The following KCNIP4 variants were observed in gnomAD, a reference collection of about 807,000 sequenced individuals.
KCNIP4 encodes Kv channel-interacting protein 4.
KCNIP4 carries 12 observed loss-of-function variants against 34.0 expected under a neutral mutation model. That is an observed-to-expected ratio of 0.35 (90% CI 0.23 to 0.57). The LOEUF (loss-of-function observed/expected upper bound fraction) is 0.57. KCNIP4 is among the 20% of genes least tolerant of loss of function. KCNIP4 has a pLI of 0.83. For synonymous variants in KCNIP4, 124 were observed against 102.2 expected (o/e 1.21, Z -1.29); for missense variants, 238 against 311.7 (o/e 0.76, Z 1.78).
chr4:20,971,949 A>G (rs1281303986), intron 1 of KCNIP4, among the ~76,000 whole-genome samples: 1 of 152,222 alleles, frequency 6.6e-6, no homozygotes, highest in African/African-American at 2.4e-5. Flanking sequence ...CAATTGAATG[A>G]TGTTCATAGC....
intron 1 of KCNIP4, among the ~76,000 whole-genome samples, chr4:21,931,849 G>A (rs1330499764): frequency 6.6e-6 from 1 of 152,048 alleles, no homozygotes; most frequent in African/African-American, 2.4e-5. Flanking sequence ...CTGAGGAATC[G>A]CCACACTGAC....
intron 1 of KCNIP4, among the ~76,000 whole-genome samples, chr4:21,183,333 A>AT (rs906529524): frequency 3.3e-5 from 5 of 151,540 alleles, no homozygotes; most frequent in South Asian, 4.2e-4. Flanking sequence ...TCTTCAATTT[A>AT]TTTTTTTTCC....
chr4:21,242,303 C>T (rs969475297), intron 1 of KCNIP4, among the ~76,000 whole-genome samples: 2 of 151,814 alleles, frequency 1.3e-5, no homozygotes, highest in Non-Finnish European at 2.9e-5. Flanking sequence ...CCAAACAAGC[C>T]TACATTAAAA....
At chr4:21,327,607 G>T (rs1715216655) in intron 1 of KCNIP4, among the ~76,000 whole-genome samples, 1 of 152,048 alleles carries the variant, frequency 6.6e-6, no homozygotes, top group African/African-American at 2.4e-5. Flanking sequence ...GAAGTTCTCT[G>T]TTATTATCCA....
intron 1 of KCNIP4, among the ~76,000 whole-genome samples, chr4:20,921,277 G>C (rs373744676): frequency 1.3e-5 from 2 of 152,182 alleles, no homozygotes; most frequent in African/African-American, 4.8e-5. Flanking sequence ...GATGCAGTGA[G>C]AGCGTGGAGG....
At chr4:21,117,314 G>GGGGGGGGGGGGT in intron 1 of KCNIP4, among the ~76,000 whole-genome samples, 1 of 127,770 alleles carries the variant, frequency 7.8e-6, no homozygotes, top group Non-Finnish European at 1.7e-5. Flanking sequence ...GGGGGGGGGG[G>GGGGGGGGGGGGT]GGGGGCGCTG....
chr4:20,894,763 G>A (rs1462794200), intron 1 of KCNIP4, among the ~76,000 whole-genome samples: 1 of 152,094 alleles, frequency 6.6e-6, no homozygotes, highest in East Asian at 1.9e-4. Flanking sequence ...AATGGGGAAG[G>A]ATTAACAATA....
intron 1 of KCNIP4, among the ~76,000 whole-genome samples, chr4:21,260,401 C>G (rs961001857): frequency 6.6e-6 from 1 of 152,156 alleles, no homozygotes; most frequent in Non-Finnish European, 1.5e-5. Flanking sequence ...TTGCACAGTA[C>G]TGTTAATTTA....
intron 1 of KCNIP4, among the ~76,000 whole-genome samples, chr4:21,506,064 C>T (rs995667657): frequency 6.6e-6 from 1 of 152,202 alleles, no homozygotes; most frequent in East Asian, 1.9e-4. Context: ...GATCGCACCA[C>T]TGCACTCCAG....
At chr4:21,031,634 A>G (rs1001517239) in intron 1 of KCNIP4, among the ~76,000 whole-genome samples, 3 of 152,152 alleles carry the variant, frequency 2.0e-5, no homozygotes, top group African/African-American at 7.2e-5. Context: ...CCACTGTACA[A>G]TATCCCCTTG....
intron 4 of KCNIP4, among the ~76,000 whole-genome samples, chr4:20,755,212 A>G (rs1425854301): frequency 6.6e-6 from 1 of 152,172 alleles, no homozygotes; most frequent in Non-Finnish European, 1.5e-5. Context: ...GTGTTTTCTT[A>G]GAATTCTAAT....
intron 1 of KCNIP4, chr4:21,847,241 A>G (rs541059251): frequency 1.3e-5 from 2 of 152,212 alleles, no homozygotes; most frequent in East Asian, 1.9e-4. Context: ...GTAAAATGCA[A>G]TAGTTGAAAT....
At chr4:21,278,719 G>A (rs1762592369) in intron 1 of KCNIP4, among the ~76,000 whole-genome samples, 1 of 152,048 alleles carries the variant, frequency 6.6e-6, no homozygotes, top group African/African-American at 2.4e-5. Flanking sequence ...ATGGCAACAA[G>A]AGGAAAGTGT....
intron 1 of KCNIP4, among the ~76,000 whole-genome samples, chr4:21,714,369 A>G (rs931599492): frequency 1.3e-5 from 2 of 152,014 alleles, no homozygotes; most frequent in Non-Finnish European, 2.9e-5. Context: ...AGGCCACAGC[A>G]GTCAGTCTTT....
rs148399965 is a variant in KCNIP4, at chr4:20,782,062, G to A, written c.289-23172C>T. Among the ~76,000 whole-genome samples, 76 of 152,220 alleles carry A rather than the reference G, an allele frequency of 5.0e-4. 1 individual carries two copies. In the East Asian group the frequency reaches 0.015, roughly 29 times the overall value. The stretch of plus-strand genomic sequence containing the variant: ...CCCTTGCAAGTCCAAAATCCAGCAG[G>A]GCAGTCAAATTTTAAAGCTCCAAAA... On this transcript the variant is annotated intron_variant, in intron 3 of 8. Coordinates refer to ENST00000382152, the MANE Select transcript of KCNIP4 (RefSeq NM_025221.6).
In KCNIP4 at chr4:20,898,557, CTTTAG is replaced by C. The variant is rs1726811111; in HGVS notation, c.62-15853_62-15849del. ...CCTATCATTATAAATGCACAATGCA[CTTTAG>C]TTAGTTAGATGTTTATTGCCTGCCT... On this transcript the variant is annotated intron_variant, in intron 1 of 8. Transcript: ENST00000382152. 2.0e-5 allele frequency among the ~76,000 whole-genome samples: 3 copies of C among 152,286 alleles called. No homozygotes were observed. The South Asian group carries it at 6.2e-4, about 32-fold the overall frequency.
chr4:21,438,136 C>T (rs899213458), intron 1 of KCNIP4, among the ~76,000 whole-genome samples: 1 of 152,096 alleles, frequency 6.6e-6, no homozygotes, highest in African/African-American at 2.4e-5. Context: ...TTATAAATCT[C>T]GCTAGCTCTT....
In KCNIP4 at chr4:21,758,676, G is replaced by T. The variant is rs553241326; in HGVS notation, c.61+189895C>A. Among the ~76,000 whole-genome samples the T allele has an allele frequency of 2.0e-5, 3 of 152,162 alleles. No homozygotes were observed. The South Asian group carries it at 6.2e-4, about 32-fold the overall frequency. ...AAGACTTATTGGGTGGGTGATAGTG[G>T]ACTCATTATCTAGGCACCCTAAGCC... On this transcript the variant is annotated intron_variant, in intron 1 of 8. Coordinates refer to ENST00000382152, the MANE Select transcript of KCNIP4 (RefSeq NM_025221.6).
intron 1 of KCNIP4, among the ~76,000 whole-genome samples, chr4:21,275,075 T>C (rs1762363798): frequency 2.0e-5 from 3 of 152,180 alleles, no homozygotes; most frequent in South Asian, 2.1e-4. Context: ...TTGGTCAGAA[T>C]TGGGTACATT....
Sources: gnomAD v4.1 joint callset for allele counts (sites outside exome capture counted in the v4.1 genomes callset) on GRCh38, gnomAD v4.1.1 for gene constraint, MANE v1.5 for transcripts, NCBI Gene and HGNC (gene_info 2026-07-23, HGNC 2026-07-21) for gene names.